Variants in CPQ observed in about 807,000 individuals in gnomAD.
CPQ encodes the protein Ser-Met dipeptidase.
Under a neutral mutation model 45.7 loss-of-function variants are expected in CPQ, and 37 were observed. That is an observed-to-expected ratio of 0.81 (90% CI 0.62 to 1.07). The LOEUF is 1.07. CPQ is among the 50% of genes least tolerant of loss of function. The probability of loss-of-function intolerance (pLI) is 0.00; values close to 1 mark genes in which losing one functional copy is unlikely to be tolerated. For synonymous variants in CPQ, 186 were observed against 205.8 expected, an observed-to-expected ratio of 0.90 and a Z score of 0.82; for missense variants, 537 against 572.9, an observed-to-expected ratio of 0.94 and a Z score of 0.64.
rs529973462 is a variant in CPQ, at chr8:96,785,522, T to C, written c.433+192T>C. On this transcript the variant is annotated intron_variant, in intron 2 of 7. Coordinates refer to ENST00000220763, the MANE Select transcript of CPQ (RefSeq NM_016134.4). ...TTTTGTGAAAGGGAACTGATCATGTTGGATCGCTTTTTAAATGTAGAATCT... is the reference window on the plus strand; with the variant it reads ...TTTTGTGAAAGGGAACTGATCATGTCGGATCGCTTTTTAAATGTAGAATCT... Among the ~76,000 whole-genome samples the C allele has an allele frequency of 4.6e-5, 7 of 152,300 alleles. No individual in the cohort carries two copies. The South Asian group carries it at 1.2e-3, about 27-fold the overall frequency.
At chr8:96,987,403 C>T (rs1809004929) in intron 5 of CPQ, among the ~76,000 whole-genome samples, 2 of 151,836 alleles carry the variant, frequency 1.3e-5, no homozygotes, top group Non-Finnish European at 2.9e-5. Flanking sequence ...CCCACAGAAA[C>T]ACAGAAATGA....
chr8:96,936,893 AG>A (rs1452035021), intron 4 of CPQ, among the ~76,000 whole-genome samples: 1 of 152,098 alleles, frequency 6.6e-6, no homozygotes, highest in Admixed American at 6.5e-5. Flanking sequence ...AAGTCATTAG[AG>A]GAGATAAAAC....
At chr8:96,812,689 C>A (rs1278161611) in intron 2 of CPQ, among the ~76,000 whole-genome samples, 1 of 151,940 alleles carries the variant, frequency 6.6e-6, no homozygotes, top group African/African-American at 2.4e-5. Context: ...AGGGCCTTCA[C>A]GATCTTTCTT....
intron 4 of CPQ, among the ~76,000 whole-genome samples, chr8:96,888,666 GC>G (rs1263713116): frequency 1.3e-5 from 2 of 152,136 alleles, no homozygotes; most frequent in East Asian, 3.9e-4. Flanking sequence ...TACTTCTTAA[GC>G]CTTTAATGTG....
At chr8:97,021,044 C>T (rs184411085) in intron 5 of CPQ, among the ~76,000 whole-genome samples, 17 of 152,236 alleles carry the variant, frequency 1.1e-4, no homozygotes, top group African/African-American at 3.6e-4. Flanking sequence ...GGGTTTCATA[C>T]CAGGGACGCA....
intron 4 of CPQ, among the ~76,000 whole-genome samples, chr8:96,897,599 A>T (rs149706565): frequency 1.5e-3 from 226 of 152,348 alleles, no homozygotes; most frequent in African/African-American, 5.2e-3. Flanking sequence ...AAAAATTTGT[A>T]TGAAATTATC....
chr8:96,980,052 C>T lies in CPQ; in HGVS notation c.961+14006C>T, dbSNP rs552691393. ...ATGGATAGTAGAATAAGCATGTGCT[C>T]TATGTTAGAACATCTTGGATTCCAA... On this transcript the variant is annotated intron_variant, in intron 5 of 7. Coordinates refer to ENST00000220763, the MANE Select transcript of CPQ (RefSeq NM_016134.4). 5.2e-4 allele frequency among the ~76,000 whole-genome samples: 79 copies of T among 152,078 alleles called. 1 individual carries two copies. Among genetic ancestry groups the T allele is most frequent in the African/African-American group, 1.9e-3 (79 of 41,470 alleles).
Position 97,066,150 on chromosome 8 carries a change from C to G in CPQ, c.1195C>G (p.Gln399Glu). ...CCTGCTGCAGCCCCTCAATATCACTCAGGTCCTGAGCCATGGAGAAGGGAC... is the reference window on the plus strand; with the variant it reads ...CCTGCTGCAGCCCCTCAATATCACTGAGGTCCTGAGCCATGGAGAAGGGAC... ...MSLLQPLNIT[Q>E]VLSHGEGTDI... The change falls in exon 7 of 8, where the codon CAG (glutamine) becomes GAG (glutamate). Residue 399 changes from glutamine (Q) to glutamate (E), a missense_variant. Transcript: ENST00000220763. 6.2e-7 allele frequency: 1 copy of G among 1,612,208 alleles called. No individual in the cohort carries two copies. Among genetic ancestry groups the G allele is most frequent in the Non-Finnish European group, 8.5e-7 (1 of 1,179,482 alleles).
At chr8:96,722,726 C>A (rs1002362853) in intron 1 of CPQ, among the ~76,000 whole-genome samples, 2 of 152,158 alleles carry the variant, frequency 1.3e-5, no homozygotes, top group Admixed American at 6.5e-5. Context: ...ATGCAAATTT[C>A]TTTGATGCTT....
chr8:96,844,767 T>C lies in CPQ; in HGVS notation c.641+9587T>C, dbSNP rs181028229. ...AAGGCACCAGCTCTAGATAGAGCCC[T>C]CCTCAGTGTTCAAAGACTCAAAAGA... On this transcript the variant is annotated intron_variant, in intron 3 of 7. Transcript: ENST00000220763. 6.2e-3 allele frequency among the ~76,000 whole-genome samples: 942 copies of C among 152,322 alleles called. 15 individuals carry two copies. Among genetic ancestry groups the C allele is most frequent in the African/African-American group, 0.022 (901 of 41,570 alleles).
chr8:96,830,092 A>G (rs1399280456), intron 2 of CPQ, among the ~76,000 whole-genome samples: 1 of 152,154 alleles, frequency 6.6e-6, no homozygotes, highest in Non-Finnish European at 1.5e-5. Context: ...GGACCTAGTT[A>G]TCTTGCATAG....
chr8:96,849,687 G>A (rs1435053785), intron 3 of CPQ, among the ~76,000 whole-genome samples: 5 of 152,120 alleles, frequency 3.3e-5, no homozygotes, highest in African/African-American at 1.2e-4. Context: ...AGCCCTTCTA[G>A]TGAGACATCC....
rs183476714 is a variant in CPQ at position 97,009,375 on chromosome 8, A to G, written c.962-20028A>G. On this transcript the variant is annotated intron_variant, in intron 5 of 7. Transcript: ENST00000220763. ...CTTTCCACCTCATCTCCTACATGTC[A>G]CATCTGATTTGTCCTTATTGTAGAA... Among the ~76,000 whole-genome samples, 203 of 152,246 alleles carry G rather than the reference A, an allele frequency of 1.3e-3. 1 individual carries two copies. Among genetic ancestry groups the G allele is most frequent in the Admixed American group, 2.2e-3 (34 of 15,292 alleles).
Position 97,093,644 on chromosome 8 carries a change from G to A in CPQ, c.1255+27434G>A, listed in dbSNP as rs765464060. On this transcript the variant is annotated intron_variant, in intron 7 of 7. Coordinates refer to ENST00000220763, the MANE Select transcript of CPQ (RefSeq NM_016134.4). The stretch of plus-strand genomic sequence containing the variant: ...TAACAGTGGAGATTCACTCACATTT[G>A]TTGAGTATTACCTAGACAGTGGAGA... 5.9e-5 allele frequency among the ~76,000 whole-genome samples: 9 copies of A among 152,092 alleles called. 1 individual carries two copies. The highest frequency in any genetic ancestry group is 1.0e-4 in the Non-Finnish European group (7 of 68,002).
Position 96,925,580 on chromosome 8 carries a change from G to T in CPQ, c.850-40355G>T, listed in dbSNP as rs1037441209. ...GTATTTTTAGTAGAAACAGGGTTTT[G>T]CCAGGTTAGCCAGGCTGGTCTCGAC... On this transcript the variant is annotated intron_variant, in intron 4 of 7. Transcript: ENST00000220763. 4.6e-5 allele frequency among the ~76,000 whole-genome samples: 7 copies of T among 152,124 alleles called. No homozygotes were observed. In the South Asian group the frequency reaches 1.2e-3, roughly 27 times the overall value.
chr8:96,976,375 T>A (rs945308511), intron 5 of CPQ, among the ~76,000 whole-genome samples: 14 of 148,266 alleles, frequency 9.4e-5, no homozygotes, highest in African/African-American at 2.7e-4. Flanking sequence ...TGGAAACACA[T>A]CCCATGCTCA....
At chr8:96,709,421 C>T (rs139482739) in intron 1 of CPQ, among the ~76,000 whole-genome samples, 2 of 149,950 alleles carry the variant, frequency 1.3e-5, no homozygotes, top group Non-Finnish European at 3.0e-5. Flanking sequence ...CTTCAAAGTA[C>T]ATTAGTTCAT....
At chr8:96,836,412 A>G (rs1175033813) in intron 3 of CPQ, among the ~76,000 whole-genome samples, 2 of 152,188 alleles carry the variant, frequency 1.3e-5, no homozygotes, top group Non-Finnish European at 2.9e-5. Flanking sequence ...TGTTAAAACT[A>G]CATGTTAGAA....
intron 3 of CPQ, among the ~76,000 whole-genome samples, chr8:96,878,246 A>G (rs1283063996): frequency 1.3e-5 from 2 of 152,188 alleles, no homozygotes; most frequent in Non-Finnish European, 2.9e-5. Flanking sequence ...GACTACAGGC[A>G]TGAGCCACCA....
Sources: allele counts gnomAD v4.1 joint callset (sites outside exome capture counted in the v4.1 genomes callset), GRCh38; gene constraint gnomAD v4.1.1; transcripts MANE v1.5; gene names NCBI Gene and HGNC (gene_info 2026-07-23, HGNC 2026-07-21).